Variants in PDE3B observed in about 807,000 individuals in gnomAD.
The protein encoded by PDE3B is phosphodiesterase 3B, also known as cGMP-inhibited 3',5'-cyclic phosphodiesterase 3B.
In PDE3B, 66 loss-of-function variants were observed where a neutral mutation model predicts 116.8. The observed-to-expected ratio is 0.56, with a 90% CI of 0.46 to 0.69. The LOEUF is 0.69. Ranked by LOEUF, PDE3B falls within the 30% of genes least tolerant of loss-of-function variation. The probability of loss-of-function intolerance (pLI) is 0.00; values close to 1 mark genes in which losing one functional copy is unlikely to be tolerated. For missense variants in PDE3B, 1,384 were observed against 1,368.1 expected (o/e 1.01, Z -0.18); for synonymous variants, 595 against 533.6 (o/e 1.12, Z -1.59).
At chr11:14,844,403 A>G (rs1847543073) in intron 12 of PDE3B, among the ~76,000 whole-genome samples, 3 of 152,212 alleles carry the variant, frequency 2.0e-5, no homozygotes, top group Non-Finnish European at 4.4e-5. Flanking sequence ...TCCCAGCGTG[A>G]GTGACGCAGA....
chr11:14,765,594 A>G (rs756982507), intron 1 of PDE3B, among the ~76,000 whole-genome samples: 6 of 151,802 alleles, frequency 4.0e-5, no homozygotes, highest in Non-Finnish European at 8.8e-5. Context: ...TTAGTTTTGA[A>G]CAAATAACCA....
chr11:14,664,728 C>A lies in PDE3B; in HGVS notation c.978+19675C>A, dbSNP rs537257517. On this transcript the variant is annotated intron_variant, in intron 1 of 15. Coordinates refer to ENST00000282096, the MANE Select transcript of PDE3B (RefSeq NM_000922.4). The stretch of plus-strand genomic sequence containing the variant: ...CAAGACTAAACCAGGAAGAAGTTGA[C>A]TCTCTGAATAGACCAATAACAGGCT... Among the ~76,000 whole-genome samples, 10 of 152,142 alleles carry A rather than the reference C, an allele frequency of 6.6e-5. No homozygotes were observed. In the East Asian group the frequency reaches 7.7e-4, roughly 12 times the overall value.
intron 4 of PDE3B, among the ~76,000 whole-genome samples, chr11:14,799,063 G>A (rs1858658366): frequency 6.6e-6 from 1 of 152,092 alleles, no homozygotes; most frequent in Non-Finnish European, 1.5e-5. Context: ...TCTCTTATGG[G>A]CATTTAGTCC....
intron 1 of PDE3B, among the ~76,000 whole-genome samples, chr11:14,690,785 C>T (rs941033145): frequency 5.9e-5 from 9 of 151,946 alleles, no homozygotes; most frequent in African/African-American, 1.5e-4. Flanking sequence ...TTGCATTTGG[C>T]AATTCAGGGA....
intron 1 of PDE3B, among the ~76,000 whole-genome samples, chr11:14,670,524 T>C (rs1444957965): frequency 6.6e-6 from 1 of 152,056 alleles, no homozygotes; most frequent in Non-Finnish European, 1.5e-5. Flanking sequence ...GATTTGGGAT[T>C]AATACGAGAA....
chr11:14,895,125 C>T, the PDE3B span, among the ~76,000 whole-genome samples: 3 of 152,324 alleles, frequency 2.0e-5, no homozygotes, highest in South Asian at 2.1e-4. Context: ...CTCCTGGGGT[C>T]CCTTTCTGTT....
At chr11:14,884,557 G>A in the PDE3B span, among the ~76,000 whole-genome samples, 2 of 149,894 alleles carry the variant, frequency 1.3e-5, no homozygotes, top group African/African-American at 4.9e-5. Flanking sequence ...GGGAGGGATA[G>A]CATTAGGAGA....
rs556017034 is a variant in PDE3B at position 14,732,397 on chromosome 11, A to G, written c.979-39540A>G. On this transcript the variant is annotated intron_variant, in intron 1 of 15. Coordinates refer to ENST00000282096, the MANE Select transcript of PDE3B (RefSeq NM_000922.4). ...CAGAGAATGGAGTTTGAGCAACTAT[A>G]GTTTAATGAGGCAATTAAATTGAGA... Among the ~76,000 whole-genome samples the G allele has an allele frequency of 9.3e-4, 141 of 152,338 alleles. 4 individuals are homozygous for G. The South Asian group carries it at 0.028, about 31-fold the overall frequency.
intron 1 of PDE3B, among the ~76,000 whole-genome samples, chr11:14,724,502 G>A (rs1025876757): frequency 1.3e-5 from 2 of 152,150 alleles, no homozygotes; most frequent in Non-Finnish European, 2.9e-5. Flanking sequence ...TGAAGGTCAT[G>A]CTCAAAGGAA....
At chr11:14,738,697 A>T (rs1204272121) in intron 1 of PDE3B, among the ~76,000 whole-genome samples, 1 of 152,144 alleles carries the variant, frequency 6.6e-6, no homozygotes, top group African/African-American at 2.4e-5. Context: ...CCTGAATGGT[A>T]TTGCCTAGGT....
intron 2 of PDE3B, 62 bp from the exon 3 acceptor site, chr11:14,786,375 C>A: frequency 2.4e-6 from 3 of 1,225,734 alleles, no homozygotes; most frequent in Admixed American, 2.2e-5. Flanking sequence ...AGAATTATAC[C>A]ATTTGTTATA....
At chr11:14,880,113 G>C in the PDE3B span, 1 of 1,611,250 alleles carries the variant, frequency 6.2e-7, no homozygotes, top group Non-Finnish European at 8.5e-7. Flanking sequence ...GATAGACCCT[G>C]AGATCATCAA....
At chr11:14,782,297 G>A (rs1028632308) in intron 2 of PDE3B, among the ~76,000 whole-genome samples, 2 of 152,212 alleles carry the variant, frequency 1.3e-5, no homozygotes, top group Admixed American at 6.5e-5. Context: ...AGCCCACATT[G>A]CCAAGACAAT....
In PDE3B at chr11:14,832,844, AC is replaced by A. The variant is rs749399201; in HGVS notation, c.2206+12del. Reference sequence around the variant, plus strand: ...ATCGAGACATTCCTTGTAAGTATTAACATATTTTATTATTTAAGTTCAAATA... The same window carrying A: ...ATCGAGACATTCCTTGTAAGTATTAAATATTTTATTATTTAAGTTCAAATA... On this transcript the variant is annotated intron_variant, in intron 10 of 15. Transcript: ENST00000282096. 2 of 1,133,146 alleles carry A rather than the reference AC, an allele frequency of 1.8e-6. No individual in the cohort carries two copies. Among genetic ancestry groups the A allele is most frequent in the South Asian group, 2.7e-5 (2 of 74,280 alleles). 70.2% of individuals were successfully genotyped at this position (1,133,146 alleles called of 1,614,324 possible).
At chr11:14,737,076 T>C (rs1260558113) in intron 1 of PDE3B, among the ~76,000 whole-genome samples, 1 of 152,170 alleles carries the variant, frequency 6.6e-6, no homozygotes, top group East Asian at 1.9e-4. Flanking sequence ...ATCTATTACA[T>C]AGGCTCGTAA....
intron 1 of PDE3B, among the ~76,000 whole-genome samples, chr11:14,673,416 G>T (rs1426362744): frequency 6.7e-6 from 1 of 150,338 alleles, no homozygotes; most frequent in Non-Finnish European, 1.5e-5. Flanking sequence ...AAAAAAAAAA[G>T]AAAAAGGATC....
intron 14 of PDE3B, among the ~76,000 whole-genome samples, chr11:14,862,238 A>T (rs1379746527): frequency 2.0e-5 from 3 of 152,046 alleles, no homozygotes; most frequent in Admixed American, 6.6e-5. Context: ...GACATTTCTG[A>T]TGGGGTTGGG....
At chr11:14,838,508 TC>T (rs1435368707) in intron 11 of PDE3B, among the ~76,000 whole-genome samples, 3 of 152,186 alleles carry the variant, frequency 2.0e-5, no homozygotes, top group Non-Finnish European at 2.9e-5. Context: ...TCCTGCTGAT[TC>T]TTCATGCTGG....
At chr11:14,831,195 G>A (rs1859872579) in intron 8 of PDE3B, among the ~76,000 whole-genome samples, 2 of 151,514 alleles carry the variant, frequency 1.3e-5, no homozygotes, top group African/African-American at 4.8e-5. Flanking sequence ...TATTTATAAT[G>A]GCAATATAGT....
Sources: allele counts gnomAD v4.1 joint callset (sites outside exome capture counted in the v4.1 genomes callset), GRCh38; gene constraint gnomAD v4.1.1; transcripts MANE v1.5; gene names NCBI Gene and HGNC (gene_info 2026-07-23, HGNC 2026-07-21).